Variants in UVSSA observed in about 807,000 individuals in gnomAD.
UVSSA encodes UV stimulated scaffold protein A.
In UVSSA, 72 loss-of-function variants were observed where a neutral mutation model predicts 73.9. The ratio of observed to expected loss-of-function variants is 0.97; its 90% CI spans 0.81 to 1.19. UVSSA has a LOEUF of 1.19. Among genes scored for constraint, UVSSA ranks in the 50% most tolerant of loss-of-function variants. The pLI is 0.00. For synonymous variants in UVSSA, 454 were observed against 391.3 expected, an observed-to-expected ratio of 1.16 and a Z score of -1.89; for missense variants, 1,150 against 965.0, an observed-to-expected ratio of 1.19 and a Z score of -2.54.
chr4:1,376,827 A>G (rs1480151288), intron 10 of UVSSA, among the ~76,000 whole-genome samples: 3 of 152,120 alleles, frequency 2.0e-5, no homozygotes, highest in Non-Finnish European at 2.9e-5. Flanking sequence ...CTGCCGCAGG[A>G]CGGTTCTCCA....
chr4:1,354,259 G>T (rs1013090420), intron 5 of UVSSA, among the ~76,000 whole-genome samples: 1 of 152,130 alleles, frequency 6.6e-6, no homozygotes, highest in Admixed American at 6.5e-5. Flanking sequence ...GCCCTGCGCC[G>T]GACACTGAGG....
chr4:1,382,355 AAT>A (rs1335588823), intron 12 of UVSSA, among the ~76,000 whole-genome samples: 2 of 152,186 alleles, frequency 1.3e-5, no homozygotes, highest in Non-Finnish European at 2.9e-5. Flanking sequence ...TCAGATGTGA[AAT>A]AGTGTCTCTT....
chr4:1,391,669 C>G (rs1560499530), downstream of UVSSA: 1 of 151,060 alleles, frequency 6.6e-6, no homozygotes, highest in African/African-American at 2.4e-5. Flanking sequence ...CATTGTATCT[C>G]TGAATCTAAA....
At chr4:1,377,479 C>T (rs1025522103) in intron 10 of UVSSA, among the ~76,000 whole-genome samples, 29 of 152,030 alleles carry the variant, frequency 1.9e-4, no homozygotes, top group Non-Finnish European at 3.4e-4. Context: ...GCTCAGCGGC[C>T]GGAGAGGTCG....
chr4:1,368,868 C>T (rs752184225), intron 8 of UVSSA, among the ~76,000 whole-genome samples: 3 of 152,268 alleles, frequency 2.0e-5, no homozygotes, highest in Admixed American at 6.5e-5. Flanking sequence ...GGTTCTTTCG[C>T]TGCAGCCGCA....
In UVSSA at chr4:1,386,149, G is replaced by T. The variant is rs568033586; in HGVS notation, c.*188G>T. On this transcript the variant is annotated 3_prime_UTR_variant, in exon 14 of 14. Transcript: ENST00000389851. ...CTGCTACAGGGTTCGGCATCGTCTG[G>T]TGATGGGTCTGGCCTCGCAGAAGAG... 1.1e-5 allele frequency: 7 copies of T among 652,362 alleles called. No individual in the cohort carries two copies. Among genetic ancestry groups the T allele is most frequent in the Non-Finnish European group, 1.8e-5 (7 of 379,138 alleles). 40.4% of individuals were successfully genotyped at this position (652,362 alleles called of 1,614,324 possible).
downstream of UVSSA, chr4:1,391,533 A>T (rs1253551607): frequency 6.6e-6 from 1 of 152,198 alleles, no homozygotes; most frequent in Non-Finnish European, 1.5e-5. Context: ...TATCATTATG[A>T]CATGTCCTTC....
Position 1,355,161 on chromosome 4 carries a change from C to T in UVSSA, c.1092C>T (p.Ala364=). 1 of 1,613,896 alleles carries T rather than the reference C, an allele frequency of 6.2e-7. No homozygotes were observed. Among genetic ancestry groups the T allele is most frequent in the Non-Finnish European group, 8.5e-7 (1 of 1,179,926 alleles). ...VGTHGGCLKR[A]IDLKAELELV... ...CCCACGGTGGATGTTTAAAGCGTGC[C>T]ATTGACCTGAAGGCTGAATTGGAGC... Residue 364 remains alanine (A), a synonymous_variant, in exon 7 of 14, where the codon GCC becomes GCT. Coordinates refer to ENST00000389851, the MANE Select transcript of UVSSA (RefSeq NM_020894.4).
Position 1,385,839 on chromosome 4 carries a change from A to G in UVSSA, c.2037-29A>G, listed in dbSNP as rs781316345. On this transcript the variant is annotated intron_variant, in intron 13 of 13. Transcript: ENST00000389851. ...CCCAGGCCCCTGGCGGAAGCCTCCCAGGTCACATCTTGCCTTGTTTCCCCA... is the reference window on the plus strand; with the variant it reads ...CCCAGGCCCCTGGCGGAAGCCTCCCGGGTCACATCTTGCCTTGTTTCCCCA... 9 of 1,613,098 alleles carry G rather than the reference A, an allele frequency of 5.6e-6. No homozygotes were observed. The Admixed American group carries it at 1.3e-4, about 24-fold the overall frequency.
At chr4:1,395,810 C>G (rs1260079090) in exon 14 of UVSSA, 3 of 1,614,150 alleles carry the variant, frequency 1.9e-6, no homozygotes, top group Admixed American at 1.7e-5. Flanking sequence ...GTTTTTATGT[C>G]AAGGATCCCT....
upstream of UVSSA, among the ~76,000 whole-genome samples, chr4:1,344,434 C>T (rs1713538523): frequency 6.6e-6 from 1 of 151,850 alleles, no homozygotes; most frequent in Non-Finnish European, 1.5e-5. Context: ...GCCTGTAATC[C>T]CAGCTATTTG....
chr4:1,349,712 C>G lies in UVSSA; in HGVS notation c.287C>G (p.Ala96Gly), dbSNP rs1714380693. ...GAGCTCACGCTGGGCACAGACCCCG[C>G]ACAGCCTCTGCCGCCCCCCAGGGAG... Reference protein sequence around the residue: ...FLELTLGTDPAQPLPPPREAA... With the variant: ...FLELTLGTDPGQPLPPPREAA... Residue 96 changes from alanine (A) to glycine (G), a missense_variant, in exon 3 of 14, where the codon GCA (alanine) becomes GGA (glycine). Ala to Gly is a moderately conservative substitution (Grantham distance 60). Transcript: ENST00000389851. 4 of 1,613,818 alleles carry G rather than the reference C, an allele frequency of 2.5e-6. No individual in the cohort carries two copies. In the African/African-American group the frequency reaches 4.0e-5, roughly 16 times the overall value.
chr4:1,389,223 T>A (rs997230363), downstream of UVSSA: 3 of 152,238 alleles, frequency 2.0e-5, no homozygotes, highest in Admixed American at 2.0e-4. Context: ...ACTGACAAGG[T>A]CTCACTCTGT....
chr4:1,350,835 C>T (rs1714606409), intron 3 of UVSSA, among the ~76,000 whole-genome samples: 1 of 151,476 alleles, frequency 6.6e-6, no homozygotes, highest in Non-Finnish European at 1.5e-5. Context: ...TGGGTGCTGT[C>T]TTTTGTTAGG....
chr4:1,349,767 C>G lies in UVSSA; in HGVS notation c.342C>G (p.Thr114=). The change falls in exon 3 of 14, where the codon ACC becomes ACG. Residue 114 remains threonine, a synonymous_variant. Transcript: ENST00000389851. ...EAAQRLRQAT[T]RAVEGWNEKF... is the part of the protein sequence containing the mutation. Reference sequence around the variant, plus strand: ...CACAGAGGCTGAGGCAGGCGACCACCCGGGCCGTGGAAGGGTGGAATGAGA... The same window carrying G: ...CACAGAGGCTGAGGCAGGCGACCACGCGGGCCGTGGAAGGGTGGAATGAGA... 1.2e-6 allele frequency: 2 copies of G among 1,608,782 alleles called. No individual in the cohort carries two copies. Among genetic ancestry groups the G allele is most frequent in the Non-Finnish European group, 8.5e-7 (1 of 1,176,678 alleles).
At chr4:1,348,374 G>A (rs752268893) in intron 2 of UVSSA, among the ~76,000 whole-genome samples, 185 bp downstream of exon 2, 14 of 152,240 alleles carry the variant, frequency 9.2e-5, no homozygotes, top group Non-Finnish European at 1.3e-4. Context: ...GGCGTGTGGC[G>A]TTGGGGACCC....
intron 7 of UVSSA, 172 bp from the exon 8 acceptor site, chr4:1,366,148 A>C: frequency 1.7e-6 from 1 of 586,764 alleles, no homozygotes; most frequent in South Asian, 2.1e-5. Context: ...TTTGGGGAAC[A>C]AGAACAGCCT....
chr4:1,350,294 G>T (rs1205327944), intron 3 of UVSSA, among the ~76,000 whole-genome samples: 2 of 152,118 alleles, frequency 1.3e-5, no homozygotes, highest in Non-Finnish European at 2.9e-5. Context: ...AAACCCACCA[G>T]GATCTGCCAC....
At chr4:1,365,863 A>AGCCTCAGGGGC (rs977996171) in intron 7 of UVSSA, among the ~76,000 whole-genome samples, 9 of 150,876 alleles carry the variant, frequency 6.0e-5, no homozygotes, top group Non-Finnish European at 1.2e-4. Flanking sequence ...AACTGCCCTA[A>AGCCTCAGGGGC]GCCTCAGGGG....
Sources: allele counts gnomAD v4.1 joint callset (sites outside exome capture counted in the v4.1 genomes callset), GRCh38; gene constraint gnomAD v4.1.1; transcripts MANE v1.5; gene names NCBI Gene and HGNC (gene_info 2026-07-23, HGNC 2026-07-21).